Variants in PAMR1 observed in about 807,000 individuals in gnomAD.
PAMR1 encodes peptidase domain containing associated with muscle regeneration 1.
Under a neutral mutation model 81.8 loss-of-function variants are expected in PAMR1, and 88 were observed. The ratio of observed to expected loss-of-function variants is 1.08; its 90% CI spans 0.91 to 1.28. PAMR1 has a LOEUF of 1.28. Among genes scored for constraint, PAMR1 ranks in the 50% most tolerant of loss-of-function variants. PAMR1 has a pLI of 0.00. For missense variants in PAMR1, 935 were observed against 919.7 expected, an observed-to-expected ratio of 1.02 and a Z score of -0.21; for synonymous variants, 336 against 345.3, an observed-to-expected ratio of 0.97 and a Z score of 0.30.
chr11:35,507,032 A>T, intron 1 of PAMR1, among the ~76,000 whole-genome samples: 2 of 133,424 alleles, frequency 1.5e-5, no homozygotes, highest in South Asian at 2.5e-4. Flanking sequence ...ATTTTCAAAT[A>T]GCCTGACTTT....
chr11:35,511,368 A>T (rs867374748), intron 1 of PAMR1, among the ~76,000 whole-genome samples: 1 of 152,248 alleles, frequency 6.6e-6, no homozygotes, highest in Admixed American at 6.5e-5. Flanking sequence ...ATATGTTGCC[A>T]TGATGGCTGT....
intron 1 of PAMR1, among the ~76,000 whole-genome samples, chr11:35,515,821 C>A (rs1851152400): frequency 6.8e-6 from 1 of 146,696 alleles, no homozygotes; most frequent in Non-Finnish European, 1.5e-5. Context: ...CAGATGTATG[C>A]CAAGTCTTTT....
At chr11:35,463,006 A>C (rs1183199213) in intron 6 of PAMR1, among the ~76,000 whole-genome samples, 3 of 152,202 alleles carry the variant, frequency 2.0e-5, no homozygotes, top group Non-Finnish European at 2.9e-5. Flanking sequence ...GAGATCTCAA[A>C]ATAATTTGCA....
chr11:35,496,986 T>A (rs1017819822), intron 1 of PAMR1, among the ~76,000 whole-genome samples: 1 of 152,064 alleles, frequency 6.6e-6, no homozygotes, highest in Admixed American at 6.6e-5. Flanking sequence ...GCCAACATGG[T>A]GAAACCTCAT....
intron 6 of PAMR1, among the ~76,000 whole-genome samples, chr11:35,451,432 T>A (rs1423444951): frequency 6.6e-6 from 1 of 152,260 alleles, no homozygotes; most frequent in Non-Finnish European, 1.5e-5. Context: ...TATTCTTTTA[T>A]AATCTGGCAT....
intron 3 of PAMR1, among the ~76,000 whole-genome samples, chr11:35,488,126 T>C (rs529083332): frequency 6.6e-6 from 1 of 152,182 alleles, no homozygotes; most frequent in South Asian, 2.1e-4. Context: ...TACTCTAATA[T>C]GTAATATTTT....
In PAMR1 at chr11:35,441,693, A is replaced by G; in HGVS notation, c.821T>C (p.Leu274Pro). ...GTCTGAGCAGTTTCTTTCTTCAAGG[A>G]CTAAAAGAAAGTAAAAGAAAAGGAG... ...AGYTGQRCEN[L>P]LEERNCSDPG... is the part of the protein sequence containing the mutation. The change falls in exon 7 of 11, where the codon CTC becomes CCC. Residue 274 changes from leucine to proline, a missense_variant and splice_region_variant. Transcript: ENST00000619888. 1.9e-6 allele frequency: 3 copies of G among 1,587,646 alleles called. No individual in the cohort carries two copies. The highest frequency in any genetic ancestry group is 2.6e-6 in the Non-Finnish European group (3 of 1,167,530).
intron 3 of PAMR1, among the ~76,000 whole-genome samples, chr11:35,480,196 T>C (rs1281236514): frequency 1.3e-5 from 2 of 152,212 alleles, no homozygotes; most frequent in African/African-American, 2.4e-5. Flanking sequence ...TTCAAACTTA[T>C]TTCTGTCCAA....
chr11:35,433,719 G>A (rs1001857358), intron 10 of PAMR1, among the ~76,000 whole-genome samples: 1 of 138,940 alleles, frequency 7.2e-6, no homozygotes, highest in Admixed American at 7.7e-5. Flanking sequence ...TAGGTGGATA[G>A]ATGGAGAGAT....
At chr11:35,483,927 AC>A (rs1473467316) in intron 3 of PAMR1, among the ~76,000 whole-genome samples, 6 of 152,042 alleles carry the variant, frequency 3.9e-5, no homozygotes, top group Non-Finnish European at 7.4e-5. Context: ...GGTGAAGACT[AC>A]CTCCTTGTGC....
At chr11:35,459,616 C>T (rs749393165) in intron 6 of PAMR1, among the ~76,000 whole-genome samples, 3 of 152,180 alleles carry the variant, frequency 2.0e-5, no homozygotes, top group Non-Finnish European at 2.9e-5. Flanking sequence ...AATGAACTTG[C>T]AGAAGATTCC....
chr11:35,482,960 T>C (rs184816279), intron 3 of PAMR1, among the ~76,000 whole-genome samples: 1 of 152,248 alleles, frequency 6.6e-6, no homozygotes, highest in Non-Finnish European at 1.5e-5. Context: ...TTTAAAGTTA[T>C]GTAAAAGTTT....
chr11:35,526,633 G>A (rs28413843), upstream of PAMR1, among the ~76,000 whole-genome samples: 13,236 of 152,324 alleles, frequency 0.087, 745 homozygotes, highest in Non-Finnish European at 0.12. Flanking sequence ...AGGCCACACA[G>A]TTAGTGAGGG....
intron 6 of PAMR1, among the ~76,000 whole-genome samples, chr11:35,453,210 C>T (rs1470262589): frequency 2.0e-5 from 3 of 152,186 alleles, no homozygotes; most frequent in Non-Finnish European, 4.4e-5. Context: ...ACAAAGCACC[C>T]AACTGCCTTT....
intron 6 of PAMR1, among the ~76,000 whole-genome samples, chr11:35,442,059 G>A (rs916900495): frequency 3.9e-5 from 6 of 152,118 alleles, no homozygotes; most frequent in Admixed American, 3.9e-4. Flanking sequence ...TTTCAGTGTT[G>A]TTGTATTATC....
At chr11:35,502,438 G>A (rs1328252944) in intron 1 of PAMR1, among the ~76,000 whole-genome samples, 1 of 152,096 alleles carries the variant, frequency 6.6e-6, no homozygotes, top group East Asian at 1.9e-4. Flanking sequence ...AGGCCCCAGT[G>A]TGGGTTATTC....
chr11:35,525,492 C>CCCGG (rs1367780833), intron 1 of PAMR1, 21 bp downstream of exon 1: 1 of 1,609,634 alleles, frequency 6.2e-7, no homozygotes, highest in Non-Finnish European at 8.5e-7. Context: ...CCTAGGGTGT[C>CCCGG]CCGGACGCTA....
intron 8 of PAMR1, among the ~76,000 whole-genome samples, chr11:35,436,678 A>ACC (rs1469435945): frequency 1.3e-5 from 2 of 151,832 alleles, no homozygotes. Flanking sequence ...ACACACACAC[A>ACC]CACACACACA....
chr11:35,468,048 T>C lies in PAMR1; in HGVS notation c.773A>G (p.Tyr258Cys). ...GTCVLDKAGS[Y>C]KCACLAGYTG... ...ATAGCCTGCCAAGCAGGCACACTTG[T>C]AAGATCCAGCCTTGTCAAGGACGCA... Residue 258 changes from tyrosine to cysteine, a missense_variant, in exon 6 of 11, where the codon TAC becomes TGC. Coordinates refer to ENST00000619888, the MANE Select transcript of PAMR1 (RefSeq NM_001001991.3). 1 of 1,562,754 alleles carries C rather than the reference T, an allele frequency of 6.4e-7. No individual in the cohort carries two copies. Among genetic ancestry groups the C allele is most frequent in the Non-Finnish European group, 8.7e-7 (1 of 1,151,902 alleles).
Sources: gnomAD v4.1 joint callset for allele counts (sites outside exome capture counted in the v4.1 genomes callset) on GRCh38, gnomAD v4.1.1 for gene constraint, MANE v1.5 for transcripts, NCBI Gene and HGNC (gene_info 2026-07-23, HGNC 2026-07-21) for gene names.